The following UMAD1 variants were observed in gnomAD, a reference collection of about 807,000 sequenced individuals.
The protein encoded by UMAD1 is UBAP1-MVB12-associated (UMA)-domain containing protein 1.
A neutral mutation model predicts 6.1 loss-of-function variants in UMAD1; 8 were observed. The ratio of observed to expected loss-of-function variants is 1.30; its 90% CI spans 0.76 to 2.35. The LOEUF (loss-of-function observed/expected upper bound fraction) is 2.35, where lower values mean the gene tolerates loss of function less well. Ranked by LOEUF, UMAD1 falls within the 30% of genes most tolerant of loss-of-function variation. The probability of loss-of-function intolerance (pLI) is 0.00; values close to 1 mark genes in which losing one functional copy is unlikely to be tolerated. For synonymous variants in UMAD1, 56 were observed against 31.4 expected (o/e 1.78, Z -2.61); for missense variants, 130 against 78.4 (o/e 1.66, Z -2.49).
chr7:7,731,493 A>ACCCCC (rs1563162353), intron 2 of UMAD1, among the ~76,000 whole-genome samples: 16 of 125,098 alleles, frequency 1.3e-4, no homozygotes, highest in Admixed American at 6.9e-4. Flanking sequence ...CCCCCCCCCA[A>ACCCCC]AAAAAAAACA....
intron 2 of UMAD1, among the ~76,000 whole-genome samples, chr7:7,684,566 A>T (rs1446377202): frequency 3.3e-5 from 5 of 152,124 alleles, no homozygotes; most frequent in Non-Finnish European, 7.4e-5. Context: ...GAATCCACCC[A>T]TGAGGAACTC....
intron 2 of UMAD1, among the ~76,000 whole-genome samples, chr7:7,801,381 A>G (rs1782795492): frequency 6.6e-6 from 1 of 152,238 alleles, no homozygotes; most frequent in African/African-American, 2.4e-5. Context: ...TTTGTTTGAA[A>G]TATGACTTGA....
At chr7:7,760,412 AAATAATAATAATAATAATAAT>A (rs71014709) in intron 2 of UMAD1, among the ~76,000 whole-genome samples, 1 of 142,704 alleles carries the variant, frequency 7.0e-6, no homozygotes. Flanking sequence ...AAAAAATACA[AAATAATAATAATAATAATAAT>A]AATAATAATA....
intron 2 of UMAD1, among the ~76,000 whole-genome samples, chr7:7,706,671 C>T (rs1416519475): frequency 1.3e-5 from 2 of 152,032 alleles, no homozygotes; most frequent in African/African-American, 4.8e-5. Context: ...GAACTTAGTA[C>T]TATTATTTCT....
chr7:7,794,203 A>G (rs1311204333), intron 2 of UMAD1, among the ~76,000 whole-genome samples: 1 of 152,232 alleles, frequency 6.6e-6, no homozygotes, highest in Non-Finnish European at 1.5e-5. Context: ...CTTTGCATGC[A>G]GACAGGCTCC....
chr7:7,776,045 T>C (rs554487606), intron 2 of UMAD1, among the ~76,000 whole-genome samples: 73 of 150,896 alleles, frequency 4.8e-4, no homozygotes, highest in African/African-American at 1.6e-3. Context: ...ATGTGTAATT[T>C]GTTATACACT....
chr7:7,833,298 C>A (rs1166675800), intron 3 of UMAD1, among the ~76,000 whole-genome samples: 1 of 152,090 alleles, frequency 6.6e-6, no homozygotes, highest in Non-Finnish European at 1.5e-5. Flanking sequence ...AGACCAGAGT[C>A]ATCTCTGGAC....
intron 2 of UMAD1, among the ~76,000 whole-genome samples, chr7:7,783,469 G>A (rs1361556863): frequency 2.0e-5 from 3 of 151,954 alleles, no homozygotes; most frequent in Non-Finnish European, 2.9e-5. Flanking sequence ...GCTGAGCTAC[G>A]AGGCTGGGAA....
chr7:7,712,588 T>G (rs1386547913), intron 2 of UMAD1, among the ~76,000 whole-genome samples: 2 of 152,236 alleles, frequency 1.3e-5, no homozygotes, highest in Non-Finnish European at 2.9e-5. Flanking sequence ...CTTTAGATTC[T>G]TTTGAATTTT....
At chr7:7,840,642 A>G (rs1783662038) in intron 3 of UMAD1, among the ~76,000 whole-genome samples, 2 of 152,186 alleles carry the variant, frequency 1.3e-5, no homozygotes, top group African/African-American at 2.4e-5. Context: ...TGTGCACTCA[A>G]TTAATGGTAG....
chr7:7,646,784 A>T (rs1785105609), intron 1 of UMAD1, among the ~76,000 whole-genome samples: 1 of 151,906 alleles, frequency 6.6e-6, no homozygotes, highest in Non-Finnish European at 1.5e-5. Context: ...CGACACTCAG[A>T]TGCTTCCTCT....
chr7:7,704,673 G>T (rs1290413500), intron 2 of UMAD1, among the ~76,000 whole-genome samples: 4 of 146,808 alleles, frequency 2.7e-5, no homozygotes, highest in Non-Finnish European at 4.5e-5. Context: ...AAAGCTGAGG[G>T]TGAGAATCAC....
chr7:7,866,142 A>G lies in UMAD1; in HGVS notation c.157-11139A>G, dbSNP rs535787545. On this transcript the variant is annotated intron_variant, in intron 3 of 3. Transcript: ENST00000682710. Reference sequence around the variant, plus strand: ...AAACAAATGCAGGAATTGAGGGCCAACATCCTAATTCCTAACTTATTTAGA... The same window carrying G: ...AAACAAATGCAGGAATTGAGGGCCAGCATCCTAATTCCTAACTTATTTAGA... Among the ~76,000 whole-genome samples, 5 of 152,360 alleles carry G rather than the reference A, an allele frequency of 3.3e-5. No homozygotes were observed. The East Asian group carries it at 5.8e-4, about 18-fold the overall frequency.
At chr7:7,651,327 CT>C (rs1785219093) in intron 1 of UMAD1, among the ~76,000 whole-genome samples, 2 of 152,156 alleles carry the variant, frequency 1.3e-5, no homozygotes, top group African/African-American at 4.8e-5. Context: ...CTTGGCTTGT[CT>C]TTTGGCTGGG....
chr7:7,837,435 T>C (rs1175490288), intron 3 of UMAD1, among the ~76,000 whole-genome samples: 2 of 152,250 alleles, frequency 1.3e-5, no homozygotes, highest in African/African-American at 4.8e-5. Context: ...GAAACAATAA[T>C]GTAATGGCTT....
Position 7,673,379 on chromosome 7 carries a change from ACTT to A in UMAD1, c.13_15del (p.Phe5del). On this transcript the variant is annotated inframe_deletion, in exon 2 of 4. Coordinates refer to ENST00000682710, the MANE Select transcript of UMAD1 (RefSeq NM_001302348.2). ...GCAGCAGCAGCAGCAGCAATGTTTC[ACTT>A]CTTCAGAAAGCCTCCGGAATCTAAA... 1 of 1,227,866 alleles carries A rather than the reference ACTT, an allele frequency of 8.1e-7. No individual in the cohort carries two copies. Among genetic ancestry groups the A allele is most frequent in the Non-Finnish European group, 1.2e-6 (1 of 866,202 alleles). The allele number at this position is 1,227,866 out of a possible 1,614,324, so 76.1% of individuals were successfully genotyped here. A position where few individuals can be genotyped will look rare whatever the true frequency, so the allele number is the denominator to read the frequency against.
At chr7:7,651,458 G>A (rs908782831) in intron 1 of UMAD1, among the ~76,000 whole-genome samples, 16 of 152,122 alleles carry the variant, frequency 1.1e-4, no homozygotes, top group Non-Finnish European at 2.2e-4. Context: ...TTGAGGCTGG[G>A]GCCTTTGCCA....
At chr7:7,654,807 G>A (rs1477352238) in intron 1 of UMAD1, among the ~76,000 whole-genome samples, 1 of 151,838 alleles carries the variant, frequency 6.6e-6, no homozygotes, top group Admixed American at 6.6e-5. Context: ...TGGAGGCTGA[G>A]GCAGGAGAAT....
intron 3 of UMAD1, among the ~76,000 whole-genome samples, chr7:7,842,711 T>C (rs1241173011): frequency 6.6e-6 from 1 of 152,178 alleles, no homozygotes; most frequent in Non-Finnish European, 1.5e-5. Context: ...CCTTACTCAA[T>C]ATGTATTCTT....
Sources: gnomAD v4.1 joint callset for allele counts (sites outside exome capture counted in the v4.1 genomes callset) on GRCh38, gnomAD v4.1.1 for gene constraint, MANE v1.5 for transcripts, NCBI Gene and HGNC (gene_info 2026-07-23, HGNC 2026-07-21) for gene names.